SEMA5B: variants seen among roughly 807,000 people sequenced by gnomAD.
SEMA5B encodes the protein semaphorin-5B.
Under a neutral mutation model 135.0 loss-of-function variants are expected in SEMA5B, and 66 were observed. That is an observed-to-expected ratio of 0.49 (90% CI 0.40 to 0.60). The LOEUF (loss-of-function observed/expected upper bound fraction) is 0.60, where lower values mean the gene tolerates loss of function less well. SEMA5B is among the 20% of genes least tolerant of loss of function. The probability of loss-of-function intolerance (pLI) is 0.00; values close to 1 mark genes in which losing one functional copy is unlikely to be tolerated. For synonymous variants in SEMA5B, 690 were observed against 639.5 expected, an observed-to-expected ratio of 1.08 and a Z score of -1.19; for missense variants, 1,501 against 1,566.3, an observed-to-expected ratio of 0.96 and a Z score of 0.70.
chr3:122,999,686 G>A (rs932572561), intron 1 of SEMA5B, among the ~76,000 whole-genome samples: 1 of 152,210 alleles, frequency 6.6e-6, no homozygotes, highest in African/African-American at 2.4e-5. Flanking sequence ...GAGCAGTCAT[G>A]CAGACAGGAC....
At chr3:122,983,445 G>A (rs928482410) in intron 1 of SEMA5B, among the ~76,000 whole-genome samples, 1 of 151,908 alleles carries the variant, frequency 6.6e-6, no homozygotes, top group Non-Finnish European at 1.5e-5. Context: ...TAAATCATCC[G>A]CGGGGCGGGG....
chr3:122,924,525 C>T (rs1938527591), intron 9 of SEMA5B, among the ~76,000 whole-genome samples: 1 of 152,146 alleles, frequency 6.6e-6, no homozygotes, highest in Non-Finnish European at 1.5e-5. Context: ...CAAAATGCAC[C>T]TCCGAGCTGG....
Position 122,913,388 on chromosome 3 carries a change from C to G in SEMA5B, c.2317G>C (p.Val773Leu). Residue 773 changes from valine to leucine, a missense_variant, in exon 17 of 23, where the codon GTG becomes CTG. This residue lies in a region of SEMA5B where 927 missense variants were observed against 881.6 expected (regional missense o/e 1.05). Transcript: ENST00000357599. ...KTCNPEGCPEVRRNTPWTPWL... is the reference protein window; with the variant it reads ...KTCNPEGCPELRRNTPWTPWL... ...GGCGTCCAGGGGGTGTTGCGCCGCA[C>G]TTCGGGGCAGCCCTCGGGGTTGCAC... 2 of 1,578,678 alleles carry G rather than the reference C, an allele frequency of 1.3e-6. No individual in the cohort carries two copies. Among genetic ancestry groups the G allele is most frequent in the Non-Finnish European group, 1.7e-6 (2 of 1,167,172 alleles).
rs565315898 is a variant in SEMA5B at position 122,959,047 on chromosome 3, C to T, written c.124+2093G>A. On this transcript the variant is annotated intron_variant, in intron 2 of 22. Transcript: ENST00000357599. ...ACAGATTACATGGTTCAGCACTGTA[C>T]TTTATAGATGAAGAAACTGAGGATG... Among the ~76,000 whole-genome samples the T allele has an allele frequency of 2.8e-4, 42 of 152,272 alleles. No homozygotes were observed. The South Asian group carries it at 4.4e-3, about 16-fold the overall frequency.
chr3:122,951,944 A>T (rs577131339), intron 2 of SEMA5B, among the ~76,000 whole-genome samples: 6 of 152,316 alleles, frequency 3.9e-5, no homozygotes, highest in African/African-American at 1.4e-4. Flanking sequence ...TGTGAAATGG[A>T]ATAATACCCA....
In SEMA5B at chr3:122,948,635, C is replaced by T. The variant is rs772972846; in HGVS notation, c.199G>A (p.Val67Ile). ...PIMVLAGPLA[V>I]SLLLPSLTLL... Reference sequence around the variant, plus strand: ...GTGAGGCTGGGCAGCAACAGCGAGACAGCCAGGGGGCCTGCAAGCACCATG... The same window carrying T: ...GTGAGGCTGGGCAGCAACAGCGAGATAGCCAGGGGGCCTGCAAGCACCATG... Residue 67 changes from valine (V) to isoleucine (I), a missense_variant, in exon 3 of 23, where the codon GTC becomes ATC. Coordinates refer to ENST00000357599, the MANE Select transcript of SEMA5B (RefSeq NM_001031702.4). 6.2e-7 allele frequency: 1 copy of T among 1,613,818 alleles called. No individual in the cohort carries two copies. The highest frequency in any genetic ancestry group is 1.7e-5 in the Admixed American group (1 of 60,002).
At chr3:122,935,326 G>A (rs1434940146) in intron 5 of SEMA5B, among the ~76,000 whole-genome samples, 5 of 152,114 alleles carry the variant, frequency 3.3e-5, no homozygotes, top group East Asian at 1.9e-4. Context: ...GGGGGAGCAG[G>A]GGGTGGGAGG....
intron 1 of SEMA5B, among the ~76,000 whole-genome samples, chr3:123,019,360 C>T (rs903082845): frequency 6.6e-6 from 1 of 152,102 alleles, no homozygotes; most frequent in Non-Finnish European, 1.5e-5. Context: ...CTTTGGGAGG[C>T]CAAGGGAGGT....
At chr3:122,995,447 A>G (rs372222787) in intron 1 of SEMA5B, among the ~76,000 whole-genome samples, 2 of 152,218 alleles carry the variant, frequency 1.3e-5, no homozygotes, top group Non-Finnish European at 2.9e-5. Context: ...CTGCCACACT[A>G]GAGACAGGCT....
intron 14 of SEMA5B, 25 bp downstream of exon 14, chr3:122,915,415 C>G: frequency 6.3e-7 from 1 of 1,582,574 alleles, no homozygotes; most frequent in Non-Finnish European, 8.6e-7. Context: ...AAGGCAGACA[C>G]CATGTAAACC....
intron 1 of SEMA5B, among the ~76,000 whole-genome samples, chr3:123,021,437 G>T (rs943992262): frequency 6.6e-6 from 1 of 152,230 alleles, no homozygotes; most frequent in Non-Finnish European, 1.5e-5. Flanking sequence ...ACTCACTACA[G>T]ATATAGAGTT....
chr3:122,956,851 C>T (rs975963531), intron 2 of SEMA5B, among the ~76,000 whole-genome samples: 25 of 152,112 alleles, frequency 1.6e-4, no homozygotes, highest in African/African-American at 6.0e-4. Flanking sequence ...AGGGAAAAAA[C>T]GTCCTGGGAA....
At chr3:123,003,137 C>T (rs73859405) in intron 1 of SEMA5B, among the ~76,000 whole-genome samples, 9,673 of 152,082 alleles carry the variant, frequency 0.064, 886 homozygotes, top group African/African-American at 0.21. Flanking sequence ...CACGGCACTG[C>T]AACAAGTACT....
At chr3:122,963,760 T>C (rs1249245013) in intron 1 of SEMA5B, among the ~76,000 whole-genome samples, 1 of 152,172 alleles carries the variant, frequency 6.6e-6, no homozygotes, top group African/African-American at 2.4e-5. Context: ...AAACAGATCA[T>C]ATAGAGGAAG....
Position 122,968,782 on chromosome 3 carries a change from C to T in SEMA5B, c.-38-7481G>A, listed in dbSNP as rs1423900142. On this transcript the variant is annotated intron_variant, in intron 1 of 22. Coordinates refer to ENST00000357599, the MANE Select transcript of SEMA5B (RefSeq NM_001031702.4). ...CCTCAGCTGGGTTTGGTACCCATCA[C>T]TGTCAGGACATTCTTACATCTTTTC... is the stretch of plus-strand genomic sequence containing the variant. 2.0e-5 allele frequency among the ~76,000 whole-genome samples: 3 copies of T among 152,094 alleles called. 1 individual carries two copies. The East Asian group carries it at 5.8e-4, about 29-fold the overall frequency.
intron 8 of SEMA5B, among the ~76,000 whole-genome samples, 182 bp downstream of exon 8, chr3:122,927,608 C>T (rs1287041282): frequency 2.0e-5 from 3 of 152,156 alleles, no homozygotes; most frequent in Non-Finnish European, 2.9e-5. Context: ...CCTGTGATTT[C>T]GTCTGGGGCC....
chr3:122,989,109 C>CT (rs778999009), intron 1 of SEMA5B, among the ~76,000 whole-genome samples: 1 of 152,366 alleles, frequency 6.6e-6, no homozygotes, highest in East Asian at 1.9e-4. Flanking sequence ...GGAAAACAAT[C>CT]TTTTTGCATC....
chr3:122,965,008 T>C (rs1940757412), intron 1 of SEMA5B, among the ~76,000 whole-genome samples: 1 of 152,150 alleles, frequency 6.6e-6, no homozygotes, highest in Non-Finnish European at 1.5e-5. Flanking sequence ...GAGGCTGGTG[T>C]TTGATTCCAT....
chr3:123,008,666 T>C (rs145015254), intron 1 of SEMA5B, among the ~76,000 whole-genome samples: 2,132 of 152,290 alleles, frequency 0.014, 27 homozygotes, highest in South Asian at 0.034. Flanking sequence ...AGGTGGGGGC[T>C]ACGCATTCAA....
Sources: gnomAD v4.1 joint callset for allele counts (sites outside exome capture counted in the v4.1 genomes callset) on GRCh38, gnomAD v4.1.1 for gene constraint, gnomAD v4.1.1 regional missense constraint, MANE v1.5 for transcripts, NCBI Gene and HGNC (gene_info 2026-07-23, HGNC 2026-07-21) for gene names.